BCL3: variants seen among roughly 807,000 people sequenced by gnomAD.
The protein encoded by BCL3 is B-cell lymphoma 3 protein.
In BCL3, 15 loss-of-function variants were observed where a neutral mutation model predicts 35.7. The ratio of observed to expected loss-of-function variants is 0.42; its 90% CI spans 0.28 to 0.65. BCL3 has a LOEUF of 0.65. Ranked by LOEUF, BCL3 falls within the 30% of genes least tolerant of loss-of-function variation. The pLI is 0.22. For synonymous variants in BCL3, 311 were observed against 284.3 expected (o/e 1.09, Z -0.95); for missense variants, 565 against 641.7 (o/e 0.88, Z 1.29).
chr19:44,759,455 C>T lies in BCL3; in HGVS notation c.1205C>T (p.Ser402Leu), dbSNP rs757000140. 1.2e-6 allele frequency: 2 copies of T among 1,611,332 alleles called. No individual in the cohort carries two copies. Among genetic ancestry groups the T allele is most frequent in the Non-Finnish European group, 8.5e-7 (1 of 1,178,824 alleles). ...NGLLSASPSSSPSQSPPRDPP... is the reference protein window; with the variant it reads ...NGLLSASPSSLPSQSPPRDPP... ...CTTCTCTCCGCATCACCATCCTCCT[C>T]ACCCTCCCAGTCTCCCCCCAGGGAC... is the stretch of plus-strand genomic sequence containing the variant. Residue 402 changes from serine (S) to leucine (L), a missense_variant, in exon 9 of 9, where the codon TCA becomes TTA. Transcript: ENST00000164227.
intron 2 of BCL3, 134 bp downstream of exon 2, chr19:44,751,514 C>T: frequency 1.1e-6 from 1 of 916,122 alleles, no homozygotes; most frequent in East Asian, 3.1e-5. Flanking sequence ...TTGAGTAAGG[C>T]CCTTCCCTGC....
rs543205423 is a variant in BCL3, at chr19:44,759,605, G to C, written c.1355G>C (p.Gly452Ala). 191 of 1,603,920 alleles carry C rather than the reference G, an allele frequency of 1.2e-4. No homozygotes were observed. Among genetic ancestry groups the C allele is most frequent in the Non-Finnish European group, 1.4e-4 (166 of 1,177,798 alleles). Reference protein sequence around the residue: ...GRPVPPSPAPGGS With the variant: ...GRPVPPSPAPAGS ...CCGGTGCCCCCCTCCCCAGCTCCAGGAGGCAGCTGAGGGGGATGGGGGGGC... is the reference window on the plus strand; with the variant it reads ...CCGGTGCCCCCCTCCCCAGCTCCAGCAGGCAGCTGAGGGGGATGGGGGGGC... The change falls in exon 9 of 9, where the codon GGA becomes GCA. Residue 452 changes from glycine (G) to alanine (A), a missense_variant. Physicochemically the swap from Gly to Ala is moderately conservative, Grantham distance 60. Coordinates refer to ENST00000164227, the MANE Select transcript of BCL3 (RefSeq NM_005178.5).
chr19:44,748,905 G>C lies in BCL3; in HGVS notation c.115G>C (p.Ala39Pro). The change falls in exon 1 of 9, where the codon GCG becomes CCG. Residue 39 changes from alanine to proline, a missense_variant. Physicochemically the swap from Ala to Pro is conservative, Grantham distance 27. This residue lies in a region of BCL3 where 267 missense variants were observed against 281.5 expected (regional missense o/e 0.95). Transcript: ENST00000164227. ...GCCGCTCCGCAAGCGCCCGCTGCGC[G>C]CGCCCTCCCCGGAGCCCGCCGCTCC... ...ALPLRKRPLR[A>P]PSPEPAAPRG... 4.4e-6 allele frequency: 5 copies of C among 1,142,996 alleles called. No individual in the cohort carries two copies. Among genetic ancestry groups the C allele is most frequent in the Non-Finnish European group, 5.4e-6 (5 of 933,152 alleles). The allele number at this position is 1,142,996 out of a possible 1,614,324, so 70.8% of individuals were successfully genotyped here. A position where few individuals can be genotyped will look rare whatever the true frequency, so the allele number is the denominator to read the frequency against.
At position 44,756,318 on chromosome 19, in the gene BCL3, A is replaced by G; in HGVS notation, c.497A>G (p.Asp166Gly). Residue 166 changes from aspartate to glycine, a missense_variant, in exon 3 of 9, where the codon GAC becomes GGC. This residue lies in a region of BCL3 where 267 missense variants were observed against 281.5 expected (regional missense o/e 0.95). Transcript: ENST00000164227. ...TTCCAGCAGGGGGGCCGGGAGCTCG[A>G]CATCTACAACAACCTACGGCAGGTG... Reference protein sequence around the residue: ...NLFQQGGRELDIYNNLRQTPL... With the variant: ...NLFQQGGRELGIYNNLRQTPL... The G allele has an allele frequency of 6.5e-7, 1 of 1,532,718 alleles. No homozygotes were observed. The highest frequency in any genetic ancestry group is 8.8e-7 in the Non-Finnish European group (1 of 1,135,346). The allele number at this position is 1,532,718 out of a possible 1,614,324, so 94.9% of individuals were successfully genotyped here. A position where few individuals can be genotyped will look rare whatever the true frequency, so the allele number is the denominator to read the frequency against.
At chr19:44,758,677 G>A in intron 7 of BCL3, 47 bp from the exon 8 acceptor site, 2 of 1,480,754 alleles carry the variant, frequency 1.4e-6, no homozygotes, top group East Asian at 4.8e-5. Flanking sequence ...TGGGAGAGAG[G>A]ACTGTGAGGC....
intron 2 of BCL3, among the ~76,000 whole-genome samples, chr19:44,753,802 C>T (rs961475266): frequency 1.1e-4 from 2 of 18,454 alleles, no homozygotes; most frequent in African/African-American, 2.5e-4. Flanking sequence ...AGCCAGAAAC[C>T]TGGGGAGGGG....
chr19:44,748,966 C>T lies in BCL3; in HGVS notation c.176C>T (p.Pro59Leu). ...GAAGLVVPLD[P>L]LRGGCDLPAV... is the part of the protein sequence containing the mutation. ...GCGGGCCTTGTCGTCCCCCTGGACC[C>T]TCTGCGCGGCGGCTGCGACCTGCCG... The change falls in exon 1 of 9, where the codon CCT becomes CTT. Residue 59 changes from proline to leucine, a missense_variant. Physicochemically the swap from Pro to Leu is moderately conservative, Grantham distance 98 (BLOSUM62 -3). Transcript: ENST00000164227. 2.2e-6 allele frequency: 3 copies of T among 1,371,134 alleles called. No homozygotes were observed. The highest frequency in any genetic ancestry group is 2.8e-6 in the Non-Finnish European group (3 of 1,059,394). 84.9% of individuals were successfully genotyped at this position (1,371,134 alleles called of 1,614,324 possible).
chr19:44,753,499 C>T (rs961635446), intron 2 of BCL3, among the ~76,000 whole-genome samples: 3 of 152,214 alleles, frequency 2.0e-5, no homozygotes, highest in South Asian at 2.1e-4. Flanking sequence ...TCTGCCTCCC[C>T]CACGTCAGCA....
At chr19:44,750,359 CGT>C (rs1187537994) in intron 1 of BCL3, among the ~76,000 whole-genome samples, 2 of 106,832 alleles carry the variant, frequency 1.9e-5, no homozygotes, top group African/African-American at 8.7e-5. Flanking sequence ...AGTGCATTGG[CGT>C]GATCTCGGCT....
chr19:44,757,186 C>T lies in BCL3; in HGVS notation c.689C>T (p.Pro230Leu). Residue 230 changes from proline to leucine, a missense_variant, in exon 4 of 9, where the codon CCG (proline) becomes CTG (leucine). Physicochemically the swap from Pro to Leu is moderately conservative, Grantham distance 98 (BLOSUM62 -3). Around this residue, in one of 5 missense-constraint regions of BCL3, gnomAD observed 103 missense variants for 106.7 expected, o/e 0.97. Transcript: ENST00000164227. This position sits in a 1 kb window ranked among gnomAD's most constrained non-coding sequence, Gnocchi z 8.4. ...CGAGCCCTGCTGGACAGCGCAGCTC[C>T]GGGCACGTTGGACCTGGAGGCCCGC... ...CLRALLDSAAPGTLDLEARNY... is the reference protein window; with the variant it reads ...CLRALLDSAALGTLDLEARNY... 6.4e-7 allele frequency: 1 copy of T among 1,568,694 alleles called. No individual in the cohort carries two copies. The highest frequency in any genetic ancestry group is 8.7e-7 in the Non-Finnish European group (1 of 1,154,950).
At position 44,757,208 on chromosome 19, in the gene BCL3, C is replaced by A; in HGVS notation, c.711C>A (p.Ala237=). 6.4e-6 allele frequency: 10 copies of A among 1,555,036 alleles called. No individual in the cohort carries two copies. Among genetic ancestry groups the A allele is most frequent in the Non-Finnish European group, 8.7e-6 (10 of 1,145,982 alleles). ...CTCCGGGCACGTTGGACCTGGAGGC[C>A]CGCAATTATGACGGTAAGCATTTAC... is the stretch of plus-strand genomic sequence containing the variant. The part of the protein sequence containing the change: ...SAAPGTLDLE[A]RNYDGLTALH... The change falls in exon 4 of 9, where the codon GCC becomes GCA. Residue 237 remains alanine, a synonymous_variant. Coordinates refer to ENST00000164227, the MANE Select transcript of BCL3 (RefSeq NM_005178.5). The surrounding 1 kb of genome is among the most constrained non-coding windows in gnomAD (Gnocchi z 8.4).
In BCL3 at chr19:44,757,524, G is replaced by A; in HGVS notation, c.813+109G>A. On this transcript the variant is annotated intron_variant, in intron 5 of 8. Coordinates refer to ENST00000164227, the MANE Select transcript of BCL3 (RefSeq NM_005178.5). The surrounding 1 kb of genome is among the most constrained non-coding windows in gnomAD (Gnocchi z 8.4). ...CGTGGGAGAGCACCCGGGTGGGGTG[G>A]GGCTTGGAGTATCAGACCCAAGAGA... The A allele has an allele frequency of 6.7e-7, 1 of 1,502,572 alleles. No individual in the cohort carries two copies. Among genetic ancestry groups the A allele is most frequent in the East Asian group, 2.3e-5 (1 of 42,670 alleles). 93.1% of individuals were successfully genotyped at this position (1,502,572 alleles called of 1,614,324 possible). A position where few individuals can be genotyped will look rare whatever the true frequency, so the allele number is the denominator to read the frequency against.
At position 44,757,440 on chromosome 19, in the gene BCL3, G is replaced by T; in HGVS notation, c.813+25G>T. 6.4e-7 allele frequency: 1 copy of T among 1,570,262 alleles called. No individual in the cohort carries two copies. ...GGTGAGCGTGCACTAGGAGCTGGGA[G>T]GGAGCGGGGCCTTAGCAGGGGCGGG... is the stretch of plus-strand genomic sequence containing the variant. On this transcript the variant is annotated intron_variant, in intron 5 of 8. Transcript: ENST00000164227. This position sits in a 1 kb window ranked among gnomAD's most constrained non-coding sequence, Gnocchi z 8.4.
chr19:44,759,629 G>A lies in BCL3; in HGVS notation c.*14G>A, dbSNP rs748626689. 2 of 1,594,846 alleles carry A rather than the reference G, an allele frequency of 1.3e-6. No homozygotes were observed. The highest frequency in any genetic ancestry group is 1.7e-5 in the Admixed American group (1 of 58,570). On this transcript the variant is annotated 3_prime_UTR_variant, in exon 9 of 9. Transcript: ENST00000164227. ...GGAGGCAGCTGAGGGGGATGGGGGG[G>A]CAGATCTTGGACTCATGAGGAGGGG...
At position 44,759,689 on chromosome 19, in the gene BCL3, C is replaced by T; in HGVS notation, c.*74C>T. 2 of 986,302 alleles carry T rather than the reference C, an allele frequency of 2.0e-6. No individual in the cohort carries two copies. Among genetic ancestry groups the T allele is most frequent in the Non-Finnish European group, 2.9e-6 (2 of 689,366 alleles). 61.1% of individuals were successfully genotyped at this position (986,302 alleles called of 1,614,324 possible). ...CCTGTGGGGTCAACCCTTCTGGAAA[C>T]TGTGAAGATCTCACTCTGCCCCCCC... On this transcript the variant is annotated 3_prime_UTR_variant, in exon 9 of 9. Transcript: ENST00000164227.
Position 44,756,219 on chromosome 19 carries a change from C to T in BCL3, c.411-13C>T, listed in dbSNP as rs748027254. 15 of 1,441,702 alleles carry T rather than the reference C, an allele frequency of 1.0e-5. No individual in the cohort carries two copies. The highest frequency in any genetic ancestry group is 1.5e-5 in the South Asian group (1 of 66,956). 89.3% of individuals were successfully genotyped at this position (1,441,702 alleles called of 1,614,324 possible). On this transcript the variant is annotated splice_polypyrimidine_tract_variant and intron_variant, in intron 2 of 8. Transcript: ENST00000164227. ...CCCTAATGCCTGTGATTCCTTCACT[C>T]CCCCACCCCCAGGCCTCTCCATATT...
Position 44,759,518 on chromosome 19 carries a change from T to G in BCL3, c.1268T>G (p.Leu423Arg), listed in dbSNP as rs1967381250. ...GFPMAPPNFF[L>R]PSPSPPAFLP... Reference sequence around the variant, plus strand: ...CCCATGGCTCCTCCCAATTTCTTCCTTCCTTCCCCATCTCCACCCGCCTTC... The same window carrying G: ...CCCATGGCTCCTCCCAATTTCTTCCGTCCTTCCCCATCTCCACCCGCCTTC... Residue 423 changes from leucine (L) to arginine (R), a missense_variant, in exon 9 of 9, where the codon CTT (leucine) becomes CGT (arginine). Coordinates refer to ENST00000164227, the MANE Select transcript of BCL3 (RefSeq NM_005178.5). The G allele has an allele frequency of 3.7e-6, 6 of 1,613,208 alleles. No homozygotes were observed. Among genetic ancestry groups the G allele is most frequent in the Non-Finnish European group, 5.1e-6 (6 of 1,179,698 alleles).
chr19:44,752,078 GCACACACACACA>G (rs3138632), intron 2 of BCL3, among the ~76,000 whole-genome samples: 2 of 145,920 alleles, frequency 1.4e-5, no homozygotes, highest in Admixed American at 6.9e-5. Flanking sequence ...CTCAAACCCA[GCACACACACACA>G]CACACACACA....
At position 44,748,917 on chromosome 19, in the gene BCL3, G is replaced by C. The variant is rs760961930; in HGVS notation, c.127G>C (p.Glu43Gln). ...RKRPLRAPSP[E>Q]PAAPRGAAGL... is the part of the protein sequence containing the mutation. ...GCGCCCGCTGCGCGCGCCCTCCCCGGAGCCCGCCGCTCCCCGCGGCGCTGC... is the reference window on the plus strand; with the variant it reads ...GCGCCCGCTGCGCGCGCCCTCCCCGCAGCCCGCCGCTCCCCGCGGCGCTGC... The change falls in exon 1 of 9, where the codon GAG becomes CAG. Residue 43 changes from glutamate to glutamine, a missense_variant. Physicochemically the swap from Glu to Gln is conservative, Grantham distance 29 (BLOSUM62 2). Coordinates refer to ENST00000164227, the MANE Select transcript of BCL3 (RefSeq NM_005178.5). The C allele has an allele frequency of 2.1e-5, 24 of 1,166,662 alleles. No individual in the cohort carries two copies. Among genetic ancestry groups the C allele is most frequent in the Non-Finnish European group, 2.4e-5 (23 of 947,544 alleles). The allele number at this position is 1,166,662 out of a possible 1,614,324, so 72.3% of individuals were successfully genotyped here. A position where few individuals can be genotyped will look rare whatever the true frequency, so the allele number is the denominator to read the frequency against.
Sources: allele counts gnomAD v4.1 joint callset (sites outside exome capture counted in the v4.1 genomes callset), GRCh38; gene constraint gnomAD v4.1.1; regional missense constraint gnomAD v4.1.1; non-coding constraint Gnocchi (gnomAD v3.1); transcripts MANE v1.5; gene names NCBI Gene and HGNC (gene_info 2026-07-23, HGNC 2026-07-21).